Variants in VWA3B observed in about 807,000 individuals in gnomAD.
The protein encoded by VWA3B is von Willebrand factor A domain-containing protein 3B.
In VWA3B, 138 loss-of-function variants were observed where a neutral mutation model predicts 158.3. The ratio of observed to expected loss-of-function variants is 0.87; its 90% CI spans 0.76 to 1.00. The LOEUF (loss-of-function observed/expected upper bound fraction) is 1.00, where lower values mean the gene tolerates loss of function less well. Among genes scored for constraint, VWA3B ranks in the 50% least tolerant of loss-of-function variants. The probability of loss-of-function intolerance (pLI) is 0.00; values close to 1 mark genes in which losing one functional copy is unlikely to be tolerated. For missense variants in VWA3B, 1,555 were observed against 1,565.1 expected, an observed-to-expected ratio of 0.99 and a Z score of 0.11; for synonymous variants, 596 against 587.3, an observed-to-expected ratio of 1.01 and a Z score of -0.21.
At chr2:98,134,348 A>T (rs1226587603) in intron 7 of VWA3B, among the ~76,000 whole-genome samples, 1 of 152,168 alleles carries the variant, frequency 6.6e-6, no homozygotes, top group East Asian at 1.9e-4. Flanking sequence ...ATGCAGCTTG[A>T]GGGAGTGGCC....
chr2:98,192,927 G>C lies in VWA3B; in HGVS notation c.1496G>C (p.Ser499Thr). Reference sequence around the variant, plus strand: ...AAATGGCTACAGGATGGGAGTCAAAGCCTCTTTGGAAGATTGCATAATGAT... The same window carrying C: ...AAATGGCTACAGGATGGGAGTCAAACCCTCTTTGGAAGATTGCATAATGAT... ...RIKWLQDGSQSLFGRLHNDCI... is the reference protein window; with the variant it reads ...RIKWLQDGSQTLFGRLHNDCI... The change falls in exon 11 of 28, where the codon AGC (serine) becomes ACC (threonine). Residue 499 changes from serine to threonine, a missense_variant. By Grantham distance (58) the Ser-to-Thr change is moderately conservative. Transcript: ENST00000477737. The C allele has an allele frequency of 6.2e-7, 1 of 1,614,164 alleles. No individual in the cohort carries two copies. The highest frequency in any genetic ancestry group is 1.1e-5 in the South Asian group (1 of 91,084).
At chr2:98,103,330 G>C (rs1355078411) in intron 2 of VWA3B, among the ~76,000 whole-genome samples, 10 of 151,770 alleles carry the variant, frequency 6.6e-5, no homozygotes, top group Non-Finnish European at 2.9e-5. Context: ...TGCTTACTTT[G>C]AGCTTGATTT....
intron 20 of VWA3B, among the ~76,000 whole-genome samples, chr2:98,254,916 C>G (rs993746471): frequency 6.6e-6 from 1 of 152,176 alleles, no homozygotes; most frequent in African/African-American, 2.4e-5. Context: ...CCTCTGAGCC[C>G]TGTCCAGCTG....
intron 5 of VWA3B, 109 bp downstream of exon 5, chr2:98,121,567 G>A: frequency 1.4e-6 from 2 of 1,431,938 alleles, no homozygotes; most frequent in Non-Finnish European, 1.9e-6. Context: ...GCCCCTCCCA[G>A]CAGGATCCGA....
rs554781817 is a variant in VWA3B, at chr2:98,201,642, G to T, written c.1737+7150G>T. Among the ~76,000 whole-genome samples, 5 of 152,062 alleles carry T rather than the reference G, an allele frequency of 3.3e-5. No homozygotes were observed. In the South Asian group the frequency reaches 1.0e-3, roughly 32 times the overall value. ...GGTTTTTTGTTTTTTTTGTAGATGT[G>T]CTTTATCTTGTTAACCAATTTCCCT... On this transcript the variant is annotated intron_variant, in intron 12 of 27. Transcript: ENST00000477737.
intron 21 of VWA3B, among the ~76,000 whole-genome samples, chr2:98,268,007 G>A (rs1170043076): frequency 6.7e-6 from 1 of 149,972 alleles, no homozygotes; most frequent in Non-Finnish European, 1.5e-5. Context: ...TTGAATCTCT[G>A]AGTAGACCAA....
chr2:98,181,443 A>G (rs1451285238), intron 9 of VWA3B, among the ~76,000 whole-genome samples: 1 of 152,222 alleles, frequency 6.6e-6, no homozygotes, highest in Non-Finnish European at 1.5e-5. Context: ...AGTTGTACAT[A>G]AGCCAGGGGC....
chr2:98,192,009 C>T (rs757005474), intron 10 of VWA3B, among the ~76,000 whole-genome samples: 10 of 152,208 alleles, frequency 6.6e-5, no homozygotes, highest in Non-Finnish European at 1.0e-4. Flanking sequence ...GGACCACAGA[C>T]GCAGTCCTTC....
intron 8 of VWA3B, among the ~76,000 whole-genome samples, chr2:98,179,794 C>CTTTT (rs770843976): frequency 1.9e-4 from 10 of 53,728 alleles, no homozygotes; most frequent in Admixed American, 4.1e-4. Context: ...TCTTTTCTTT[C>CTTTT]TTTCTTTCTT....
At chr2:98,230,289 A>G in intron 16 of VWA3B, 82 bp downstream of exon 16, 3 of 1,332,570 alleles carry the variant, frequency 2.3e-6, no homozygotes, top group Non-Finnish European at 2.9e-6. Context: ...CCCACATAAT[A>G]TTTTTAAGAA....
At chr2:98,275,098 A>C (rs539312837) in intron 22 of VWA3B, among the ~76,000 whole-genome samples, 1 of 152,348 alleles carries the variant, frequency 6.6e-6, no homozygotes, top group Non-Finnish European at 1.5e-5. Flanking sequence ...ACTTTTGTTT[A>C]CAGTCTGTCT....
chr2:98,187,664 C>CTGTGTCTG (rs149983574), intron 9 of VWA3B, among the ~76,000 whole-genome samples: 14 of 141,694 alleles, frequency 9.9e-5, no homozygotes, highest in Non-Finnish European at 1.7e-4. Flanking sequence ...GTCTCTGTGT[C>CTGTGTCTG]TGTGTGTGTG....
At chr2:98,179,202 C>T (rs1182937254) in intron 8 of VWA3B, 4 of 471,086 alleles carry the variant, frequency 8.5e-6, no homozygotes, top group Non-Finnish European at 1.8e-5. Flanking sequence ...AGTTCCTCAC[C>T]CCTCCTTTGT....
downstream of VWA3B, among the ~76,000 whole-genome samples, chr2:98,316,141 CTT>C (rs1443292878): frequency 6.6e-6 from 1 of 152,146 alleles, no homozygotes; most frequent in African/African-American, 2.4e-5. Context: ...TCAAAGGTAT[CTT>C]AATATATATT....
At chr2:98,273,204 C>T (rs752227878) in intron 22 of VWA3B, among the ~76,000 whole-genome samples, 20 of 152,212 alleles carry the variant, frequency 1.3e-4, no homozygotes, top group Non-Finnish European at 2.5e-4. Flanking sequence ...ATCTTTGGTT[C>T]AGTCTTTGCC....
At chr2:98,215,805 C>G (rs1042895419) in intron 13 of VWA3B, among the ~76,000 whole-genome samples, 1 of 152,148 alleles carries the variant, frequency 6.6e-6, no homozygotes, top group African/African-American at 2.4e-5. Flanking sequence ...TGTGAGCCAC[C>G]GCGCCCAGCC....
chr2:98,193,689 G>A (rs775791140), intron 11 of VWA3B, among the ~76,000 whole-genome samples: 3 of 151,178 alleles, frequency 2.0e-5, no homozygotes, highest in African/African-American at 4.9e-5. Flanking sequence ...TCCGCCTCCC[G>A]GGTTCACGCC....
At position 98,184,374 on chromosome 2, in the gene VWA3B, G is replaced by A. The variant is rs372803095; in HGVS notation, c.1311+3162G>A. On this transcript the variant is annotated intron_variant, in intron 9 of 27. Transcript: ENST00000477737. Reference sequence around the variant, plus strand: ...TCATCATGCCCTTCAACCTCTTTCCGCCTTTTCTGGCTTATCTCCATGCAG... The same window carrying A: ...TCATCATGCCCTTCAACCTCTTTCCACCTTTTCTGGCTTATCTCCATGCAG... 3.5e-4 allele frequency among the ~76,000 whole-genome samples: 53 copies of A among 152,294 alleles called. No homozygotes were observed. The East Asian group carries it at 5.8e-3, about 17-fold the overall frequency.
At chr2:98,114,275 A>G (rs2104928615) in intron 2 of VWA3B, among the ~76,000 whole-genome samples, 1 of 152,316 alleles carries the variant, frequency 6.6e-6, no homozygotes, top group East Asian at 1.9e-4. Flanking sequence ...CCAACTCCAG[A>G]TAAATGTCTT....
Sources: allele counts gnomAD v4.1 joint callset (sites outside exome capture counted in the v4.1 genomes callset), GRCh38; gene constraint gnomAD v4.1.1; transcripts MANE v1.5; gene names NCBI Gene and HGNC (gene_info 2026-07-23, HGNC 2026-07-21).